The following CTNNA3 variants were observed in gnomAD, a reference collection of about 807,000 sequenced individuals.
The protein encoded by CTNNA3 is catenin alpha 3.
Under a neutral mutation model 95.7 loss-of-function variants are expected in CTNNA3, and 76 were observed. The observed-to-expected ratio is 0.79, with a 90% CI of 0.66 to 0.96. CTNNA3 has a LOEUF of 0.96. CTNNA3 is among the 40% of genes least tolerant of loss of function. CTNNA3 has a pLI of 0.00. For missense variants in CTNNA3, 1,191 were observed against 1,089.8 expected (o/e 1.09, Z -1.31); for synonymous variants, 431 against 374.4 (o/e 1.15, Z -1.74).
At chr10:67,449,279 T>C (rs1846877215) in intron 5 of CTNNA3, among the ~76,000 whole-genome samples, 2 of 152,168 alleles carry the variant, frequency 1.3e-5, no homozygotes, top group African/African-American at 2.4e-5. Flanking sequence ...ATAGATTCCA[T>C]GCTATTCTTA....
At chr10:66,442,002 A>G (rs991933985) in intron 11 of CTNNA3, among the ~76,000 whole-genome samples, 2 of 152,364 alleles carry the variant, frequency 1.3e-5, no homozygotes, top group East Asian at 3.9e-4. Context: ...CTACTGAAAT[A>G]GTATGTAAAA....
At chr10:67,713,225 C>A (rs1042453613) in intron 1 of CTNNA3, among the ~76,000 whole-genome samples, 7 of 152,166 alleles carry the variant, frequency 4.6e-5, no homozygotes, top group Non-Finnish European at 1.0e-4. Flanking sequence ...AAATCAAAAC[C>A]ACGATGAGAT....
chr10:67,717,992 C>G lies in CTNNA3; in HGVS notation c.-2+45442G>C, dbSNP rs111823080. Among the ~76,000 whole-genome samples, 1,308 of 152,176 alleles carry G rather than the reference C, an allele frequency of 8.6e-3. 24 individuals carry two copies. Among genetic ancestry groups the G allele is most frequent in the African/African-American group, 0.029 (1,216 of 41,514 alleles). ...ATTTGTTTCTGTCCTCTTTTATTTCCTTGAGCAATGGTTTATAGTTCTCCT... is the reference window on the plus strand; with the variant it reads ...ATTTGTTTCTGTCCTCTTTTATTTCGTTGAGCAATGGTTTATAGTTCTCCT... On this transcript the variant is annotated intron_variant, in intron 1 of 17. Transcript: ENST00000684154.
chr10:67,230,087 G>C (rs1439013810), intron 5 of CTNNA3, among the ~76,000 whole-genome samples: 1 of 152,170 alleles, frequency 6.6e-6, no homozygotes, highest in Non-Finnish European at 1.5e-5. Context: ...TAAGGCCATA[G>C]ACATGAAAAC....
chr10:66,528,351 A>C (rs529953155), intron 10 of CTNNA3, among the ~76,000 whole-genome samples: 1 of 152,180 alleles, frequency 6.6e-6, no homozygotes, highest in Non-Finnish European at 1.5e-5. Context: ...TCAGATAGAC[A>C]ACTTTTACTA....
intron 17 of CTNNA3, among the ~76,000 whole-genome samples, chr10:65,923,735 A>G (rs909873591): frequency 6.6e-6 from 1 of 152,338 alleles, no homozygotes; most frequent in East Asian, 1.9e-4. Context: ...ATGTTCCGTT[A>G]GAATGTGACA....
At position 67,532,005 on chromosome 10, in the gene CTNNA3, A is replaced by C. The variant is rs143464696; in HGVS notation, c.459+7498T>G. On this transcript the variant is annotated intron_variant, in intron 4 of 17. Coordinates refer to ENST00000433211, the MANE Select transcript of CTNNA3 (RefSeq NM_013266.4). ...TTGCTCCTCCTTGCCTTCTGCCATG[A>C]TTGTGAGGCCTCCCCTCACAATCAT... Among the ~76,000 whole-genome samples the C allele has an allele frequency of 5.1e-4, 77 of 152,110 alleles. No individual in the cohort carries two copies. The East Asian group carries it at 0.014, about 28-fold the overall frequency.
intron 17 of CTNNA3, among the ~76,000 whole-genome samples, chr10:65,932,497 G>A (rs2077270573): frequency 6.6e-6 from 1 of 152,082 alleles, no homozygotes. Flanking sequence ...ATTAGATAAG[G>A]TATCTAAGAA....
intron 7 of CTNNA3, among the ~76,000 whole-genome samples, chr10:66,945,253 A>G (rs764762164): frequency 1.3e-5 from 2 of 152,238 alleles, no homozygotes; most frequent in Non-Finnish European, 2.9e-5. Flanking sequence ...CAATTATCTT[A>G]GCTAGATCTT....
chr10:66,246,323 TG>T (rs918118443), intron 13 of CTNNA3, among the ~76,000 whole-genome samples: 3 of 150,718 alleles, frequency 2.0e-5, no homozygotes, highest in African/African-American at 4.9e-5. Flanking sequence ...CGCCCAGGGT[TG>T]GGGGGTGGGG....
intron 17 of CTNNA3, among the ~76,000 whole-genome samples, chr10:65,952,121 AG>A (rs1158456618): frequency 1.3e-5 from 2 of 152,170 alleles, no homozygotes; most frequent in Non-Finnish European, 1.5e-5. Context: ...ATTATTTCTA[AG>A]GTTTCTTCAA....
chr10:66,126,217 A>G (rs2082823948), intron 13 of CTNNA3, among the ~76,000 whole-genome samples: 1 of 152,224 alleles, frequency 6.6e-6, no homozygotes, highest in Non-Finnish European at 1.5e-5. Flanking sequence ...GCTACTTTCC[A>G]TAAGGGTACA....
intron 7 of CTNNA3, among the ~76,000 whole-genome samples, chr10:67,000,613 G>A (rs1257915875): frequency 7.0e-6 from 1 of 143,860 alleles, no homozygotes; most frequent in Non-Finnish European, 1.6e-5. Flanking sequence ...AATTTACCCA[G>A]GAAACAGGAG....
At chr10:67,157,092 C>T (rs1465409788) in intron 7 of CTNNA3, among the ~76,000 whole-genome samples, 2 of 151,928 alleles carry the variant, frequency 1.3e-5, no homozygotes, top group African/African-American at 4.8e-5. Flanking sequence ...ACTATAAGTC[C>T]TAGTTAGAGC....
At chr10:65,962,569 T>TA (rs1408650600) in intron 17 of CTNNA3, among the ~76,000 whole-genome samples, 2 of 152,148 alleles carry the variant, frequency 1.3e-5, no homozygotes, top group African/African-American at 2.4e-5. Flanking sequence ...ATTTTTTTTT[T>TA]ATTATACTTT....
chr10:67,720,735 C>A (rs1250750192), intron 1 of CTNNA3, among the ~76,000 whole-genome samples: 1 of 152,134 alleles, frequency 6.6e-6, no homozygotes, highest in African/African-American at 2.4e-5. Context: ...GGGCAGATCA[C>A]CTGAGGTCGG....
intron 13 of CTNNA3, among the ~76,000 whole-genome samples, chr10:66,160,282 G>A (rs559416895): frequency 1.3e-5 from 2 of 151,946 alleles, no homozygotes; most frequent in Non-Finnish European, 2.9e-5. Context: ...ATATCAGTTT[G>A]TGCTCTTTCA....
chr10:67,518,549 C>G (rs1251709850), intron 5 of CTNNA3, among the ~76,000 whole-genome samples: 1 of 151,930 alleles, frequency 6.6e-6, no homozygotes, highest in Non-Finnish European at 1.5e-5. Context: ...GTGCTTTAGT[C>G]TATATAATGT....
In CTNNA3 at chr10:65,913,176, C is replaced by G. The variant is rs1292935801; in HGVS notation, c.*7154G>C. 2 of 152,092 alleles carry G rather than the reference C, an allele frequency of 1.3e-5. No homozygotes were observed. Among genetic ancestry groups the G allele is most frequent in the Non-Finnish European group, 2.9e-5 (2 of 68,008 alleles). The allele number at this position is 152,092 out of a possible 1,614,324, so 9.4% of individuals were successfully genotyped here. On this transcript the variant is annotated 3_prime_UTR_variant, in exon 18 of 18. Coordinates refer to ENST00000433211, the MANE Select transcript of CTNNA3 (RefSeq NM_013266.4). ...CTTCAGAGAGGTCACTACATTTAAG[C>G]TGTCAAAGTTGTTGTTGTAATACGA...
Sources: gnomAD v4.1 joint callset for allele counts (sites outside exome capture counted in the v4.1 genomes callset) on GRCh38, gnomAD v4.1.1 for gene constraint, MANE v1.5 for transcripts, NCBI Gene and HGNC (gene_info 2026-07-23, HGNC 2026-07-21) for gene names.